The following NBEAL1 variants were observed in gnomAD, a reference collection of about 807,000 sequenced individuals.
The protein encoded by NBEAL1 is neurobeachin-like protein 1.
Under a neutral mutation model 351.3 loss-of-function variants are expected in NBEAL1, and 273 were observed. The observed-to-expected ratio is 0.78, with a 90% CI of 0.70 to 0.86. The LOEUF (loss-of-function observed/expected upper bound fraction) is 0.86. NBEAL1 is among the 40% of genes least tolerant of loss of function. The pLI, the probability that NBEAL1 is intolerant of heterozygous loss-of-function variation, is 0.00. For missense variants in NBEAL1, 2,961 were observed against 3,201.3 expected (o/e 0.92, Z 1.81); for synonymous variants, 1,050 against 1,086.4 (o/e 0.97, Z 0.66).
At chr2:203,114,425 C>A (rs2062643359) in intron 17 of NBEAL1, among the ~76,000 whole-genome samples, 1 of 152,146 alleles carries the variant, frequency 6.6e-6, no homozygotes, top group South Asian at 2.1e-4. Context: ...ATTAATATAT[C>A]TGAAGAATTC....
intron 24 of NBEAL1, 87 bp from the exon 25 acceptor site, chr2:203,130,231 A>C (rs958986961): frequency 7.3e-6 from 9 of 1,228,266 alleles, no homozygotes; most frequent in Non-Finnish European, 9.9e-6. Flanking sequence ...TATAGGATTT[A>C]ATTAAATAAC....
At chr2:203,051,532 C>T (rs575343472) in intron 4 of NBEAL1, among the ~76,000 whole-genome samples, 2 of 146,320 alleles carry the variant, frequency 1.4e-5, no homozygotes, top group Non-Finnish European at 3.0e-5. Flanking sequence ...GGTGACGGAG[C>T]GAGACTCTTC....
At chr2:203,128,756 C>T (rs959702967) in intron 24 of NBEAL1, among the ~76,000 whole-genome samples, 1 of 151,898 alleles carries the variant, frequency 6.6e-6, no homozygotes, top group Admixed American at 6.6e-5. Flanking sequence ...CAGCATCACA[C>T]CCAGCTAAGT....
intron 45 of NBEAL1, among the ~76,000 whole-genome samples, chr2:203,189,006 T>C (rs1334444696): frequency 2.0e-5 from 3 of 152,230 alleles, no homozygotes; most frequent in Non-Finnish European, 2.9e-5. Flanking sequence ...AAAGTAGTTC[T>C]TTACTAATCC....
At chr2:203,175,369 A>T in intron 42 of NBEAL1, 82 bp downstream of exon 42, 1 of 1,384,356 alleles carries the variant, frequency 7.2e-7, no homozygotes, top group Non-Finnish European at 1.0e-6. Context: ...GTACTGTGTA[A>T]CATGTCTTTT....
At chr2:203,064,727 A>G (rs1199770310) in intron 6 of NBEAL1, among the ~76,000 whole-genome samples, 1 of 152,198 alleles carries the variant, frequency 6.6e-6, no homozygotes, top group Non-Finnish European at 1.5e-5. Context: ...GAGACACTGA[A>G]TGCAATACCT....
intron 1 of NBEAL1, among the ~76,000 whole-genome samples, chr2:203,015,470 AC>A (rs71408910): frequency 1.2e-5 from 1 of 85,834 alleles, no homozygotes; most frequent in African/African-American, 4.5e-5. Context: ...CTCCACCCCC[AC>A]CCCACCCCAG....
intron 54 of NBEAL1, 89 bp from the exon 55 acceptor site, chr2:203,213,427 GAT>G (rs2065841579): frequency 8.3e-7 from 1 of 1,205,054 alleles, no homozygotes; most frequent in Non-Finnish European, 1.2e-6. Flanking sequence ...TGCAGAACTA[GAT>G]GAGCATTAAT....
At chr2:203,077,880 C>G (rs977068622) in intron 8 of NBEAL1, 43 bp downstream of exon 8, 3 of 1,126,772 alleles carry the variant, frequency 2.7e-6, no homozygotes, top group Admixed American at 3.1e-5. Context: ...TTATAATTAA[C>G]AGTGCAAAAA....
intron 6 of NBEAL1, among the ~76,000 whole-genome samples, chr2:203,060,463 C>T (rs1489107078): frequency 6.6e-6 from 1 of 152,048 alleles, no homozygotes; most frequent in East Asian, 1.9e-4. Context: ...TTTTCACTGG[C>T]CCATTAATCA....
At chr2:203,209,382 ATTATAGATGAGGT>A (rs2065708887) in intron 53 of NBEAL1, 60 bp downstream of exon 53, 2 of 1,222,944 alleles carry the variant, frequency 1.6e-6, no homozygotes, top group Admixed American at 1.9e-5. Context: ...CCCTCCCCAC[ATTATAGATGAGGT>A]TTATTGAAGA....
intron 10 of NBEAL1, among the ~76,000 whole-genome samples, chr2:203,089,368 A>G (rs549964029): frequency 6.6e-6 from 1 of 152,240 alleles, no homozygotes; most frequent in South Asian, 2.1e-4. Context: ...CAAAAAAAAA[A>G]AAAAAGATCC....
At chr2:203,104,848 T>C (rs190483433) in intron 12 of NBEAL1, among the ~76,000 whole-genome samples, 2 of 152,158 alleles carry the variant, frequency 1.3e-5, no homozygotes, top group East Asian at 3.9e-4. Flanking sequence ...AATTTCTTTT[T>C]TTTCTTTTTT....
At chr2:203,165,721 T>A (rs1207782348) in intron 36 of NBEAL1, among the ~76,000 whole-genome samples, 2 of 152,178 alleles carry the variant, frequency 1.3e-5, no homozygotes, top group Non-Finnish European at 2.9e-5. Context: ...AGATATTCTT[T>A]CCTGGACATT....
intron 8 of NBEAL1, among the ~76,000 whole-genome samples, chr2:203,083,002 C>G (rs925449606): frequency 6.6e-6 from 1 of 152,156 alleles, no homozygotes; most frequent in African/African-American, 2.4e-5. Flanking sequence ...CATGGCTACC[C>G]TTAGCCACAA....
chr2:203,031,565 G>A (rs1363579449), intron 2 of NBEAL1, among the ~76,000 whole-genome samples: 3 of 152,144 alleles, frequency 2.0e-5, no homozygotes, highest in Non-Finnish European at 2.9e-5. Context: ...GCAAATGTCA[G>A]CTACTTCTCT....
At chr2:203,140,227 C>T (rs189111651) in intron 31 of NBEAL1, among the ~76,000 whole-genome samples, 45 of 151,280 alleles carry the variant, frequency 3.0e-4, no homozygotes, top group South Asian at 1.0e-3. Context: ...CACTTGAACC[C>T]GGGAGACAGA....
intron 3 of NBEAL1, among the ~76,000 whole-genome samples, chr2:203,042,730 G>A (rs1399816097): frequency 6.6e-6 from 1 of 152,060 alleles, no homozygotes; most frequent in African/African-American, 2.4e-5. Context: ...TGGGACTACA[G>A]GCGCACGCCA....
chr2:203,098,415 G>T (rs1034251656), intron 11 of NBEAL1, among the ~76,000 whole-genome samples: 3 of 151,998 alleles, frequency 2.0e-5, no homozygotes, highest in African/African-American at 7.2e-5. Context: ...TATTGTTTTA[G>T]ATTTCTGTAT....
Sources: allele counts gnomAD v4.1 joint callset (sites outside exome capture counted in the v4.1 genomes callset), GRCh38; gene constraint gnomAD v4.1.1; transcripts MANE v1.5; gene names NCBI Gene and HGNC (gene_info 2026-07-23, HGNC 2026-07-21).